ERC1: variants seen among roughly 807,000 people sequenced by gnomAD.
ERC1 encodes ELKS/RAB6-interacting/CAST family member 1.
Under a neutral mutation model 132.0 loss-of-function variants are expected in ERC1, and 56 were observed. The ratio of observed to expected loss-of-function variants is 0.42; its 90% CI spans 0.34 to 0.53. ERC1 has a LOEUF of 0.53. Ranked by LOEUF, ERC1 falls within the 20% of genes least tolerant of loss-of-function variation. The pLI, the probability that ERC1 is intolerant of heterozygous loss-of-function variation, is 0.03. For synonymous variants in ERC1, 478 were observed against 476.1 expected, an observed-to-expected ratio of 1.00 and a Z score of -0.05; for missense variants, 1,202 against 1,349.9, an observed-to-expected ratio of 0.89 and a Z score of 1.72.
chr12:1,354,375 C>A (rs1481615600), intron 15 of ERC1, among the ~76,000 whole-genome samples: 1 of 151,932 alleles, frequency 6.6e-6, no homozygotes, highest in Non-Finnish European at 1.5e-5. Context: ...TTAGAAAAAC[C>A]AGCTGGGCAT....
intron 1 of ERC1, among the ~76,000 whole-genome samples, chr12:1,015,161 G>C (rs1007500831): frequency 6.6e-6 from 1 of 151,386 alleles, no homozygotes; most frequent in Admixed American, 6.6e-5. Context: ...CTCTGCCTCC[G>C]GAGTTCAGGC....
chr12:1,488,757 T>G (rs1378462632), intron 18 of ERC1, among the ~76,000 whole-genome samples: 3 of 152,230 alleles, frequency 2.0e-5, no homozygotes, highest in Non-Finnish European at 4.4e-5. Context: ...TTGGTCTTAT[T>G]TGTCCAATAT....
At chr12:1,326,739 T>G (rs1157387807) in intron 15 of ERC1, among the ~76,000 whole-genome samples, 1 of 152,234 alleles carries the variant, frequency 6.6e-6, no homozygotes, top group Non-Finnish European at 1.5e-5. Context: ...CAGGGTAATG[T>G]TGTCAGTCAT....
chr12:1,411,217 T>C (rs1286161449), intron 17 of ERC1, among the ~76,000 whole-genome samples: 1 of 152,202 alleles, frequency 6.6e-6, no homozygotes, highest in African/African-American at 2.4e-5. Context: ...CCCTTTGATC[T>C]GATGCCCTTG....
At chr12:1,359,698 AT>A (rs2085895656) in intron 15 of ERC1, among the ~76,000 whole-genome samples, 1 of 152,172 alleles carries the variant, frequency 6.6e-6, no homozygotes, top group South Asian at 2.1e-4. Context: ...AGGCAGTTAA[AT>A]TTCAACATGA....
intron 12 of ERC1, among the ~76,000 whole-genome samples, chr12:1,205,701 G>A (rs1957297891): frequency 6.6e-6 from 1 of 152,088 alleles, no homozygotes; most frequent in African/African-American, 2.4e-5. Context: ...TAGTAGAACA[G>A]TATGGGTACC....
chr12:1,236,747 ATTTT>A lies in ERC1; in HGVS notation c.2352-20_2352-17del, dbSNP rs763590852. 9.3e-6 allele frequency: 15 copies of A among 1,608,830 alleles called. No homozygotes were observed. The highest frequency in any genetic ancestry group is 1.7e-6 in the Non-Finnish European group (2 of 1,177,208). Reference sequence around the variant, plus strand: ...TCTATACATACATATGCAAAGCTTGATTTTTCTCCTTCTGTCATTAGGCAAGTGA... The same window carrying A: ...TCTATACATACATATGCAAAGCTTGATCTCCTTCTGTCATTAGGCAAGTGA... On this transcript the variant is annotated intron_variant, in intron 12 of 18. Transcript: ENST00000360905.
chr12:1,473,241 C>A (rs1326095905), intron 18 of ERC1, among the ~76,000 whole-genome samples: 3 of 152,092 alleles, frequency 2.0e-5, no homozygotes, highest in Non-Finnish European at 4.4e-5. Flanking sequence ...GTTGATCAGG[C>A]TGGTCTTGAA....
At chr12:1,440,351 C>T (rs1019952974) in intron 17 of ERC1, among the ~76,000 whole-genome samples, 39 of 149,552 alleles carry the variant, frequency 2.6e-4, no homozygotes, top group Admixed American at 5.3e-4. Flanking sequence ...ACTACAGACG[C>T]CCGCCACCAC....
intron 14 of ERC1, among the ~76,000 whole-genome samples, chr12:1,280,178 A>G (rs2154336055): frequency 6.6e-6 from 1 of 152,252 alleles, no homozygotes; most frequent in Admixed American, 6.5e-5. Context: ...CAAGTTATTG[A>G]TCATAGAAGC....
At chr12:1,199,409 G>A (rs190880331) in intron 12 of ERC1, among the ~76,000 whole-genome samples, 2 of 152,148 alleles carry the variant, frequency 1.3e-5, no homozygotes, top group Non-Finnish European at 2.9e-5. Context: ...AGACAACCTA[G>A]TGTGTATTTA....
rs1566399460 is a variant in ERC1, at chr12:1,255,621, C to CTTTTGTTTTT, written c.2488-7409_2488-7408insGTTTTTTTTT. On this transcript the variant is annotated intron_variant, in intron 13 of 18. Coordinates refer to ENST00000360905, the MANE Select transcript of ERC1 (RefSeq NM_178040.4). The stretch of plus-strand genomic sequence containing the variant: ...TCTTCAGCATCTGTTGCTTCCTGGC[C>CTTTTGTTTTT]TTTTTTTTTTTTTTTTTTTTTTTTT... Among the ~76,000 whole-genome samples the CTTTTGTTTTT allele has an allele frequency of 2.9e-4, 18 of 61,558 alleles. 1 individual carries two copies. Among genetic ancestry groups the CTTTTGTTTTT allele is most frequent in the African/African-American group, 1.0e-3 (17 of 16,674 alleles). The allele number at this position is 61,558 out of a possible 152,430, so 40.4% of individuals were successfully genotyped here. A position where few individuals can be genotyped will look rare whatever the true frequency, so the allele number is the denominator to read the frequency against.
chr12:1,318,472 CTG>C (rs2081915255), intron 15 of ERC1, among the ~76,000 whole-genome samples: 1 of 152,210 alleles, frequency 6.6e-6, no homozygotes, highest in Non-Finnish European at 1.5e-5. Context: ...CAAGCTCAAA[CTG>C]TTCGGAGTAC....
intron 8 of ERC1, among the ~76,000 whole-genome samples, chr12:1,167,857 C>T (rs991149675): frequency 6.6e-5 from 10 of 151,928 alleles, no homozygotes; most frequent in African/African-American, 2.4e-4. Context: ...CTCGGGACTA[C>T]AGGCGCGCGC....
intron 10 of ERC1, among the ~76,000 whole-genome samples, chr12:1,182,766 A>C (rs1954623152): frequency 6.6e-6 from 1 of 151,324 alleles, no homozygotes; most frequent in Non-Finnish European, 1.5e-5. Flanking sequence ...GGCCCAAGGG[A>C]TCTTCCTATT....
chr12:1,458,360 G>A (rs2093581278), intron 18 of ERC1, among the ~76,000 whole-genome samples: 1 of 152,182 alleles, frequency 6.6e-6, no homozygotes, highest in South Asian at 2.1e-4. Flanking sequence ...TAGGAGATAA[G>A]AGTACCAGAT....
At chr12:1,434,443 A>G (rs1206181281) in intron 17 of ERC1, among the ~76,000 whole-genome samples, 1 of 152,194 alleles carries the variant, frequency 6.6e-6, no homozygotes, top group African/African-American at 2.4e-5. Flanking sequence ...CCTGTGCTTC[A>G]GTCTAGATGT....
intron 2 of ERC1, among the ~76,000 whole-genome samples, chr12:1,047,217 A>G (rs1971209204): frequency 6.6e-6 from 1 of 152,304 alleles, no homozygotes; most frequent in Non-Finnish European, 1.5e-5. Context: ...AACTTGGTGG[A>G]GGGTAACTGT....
At chr12:1,396,323 AAT>A (rs763319854) in intron 16 of ERC1, among the ~76,000 whole-genome samples, 5 of 152,234 alleles carry the variant, frequency 3.3e-5, no homozygotes, top group Non-Finnish European at 7.3e-5. Flanking sequence ...ATTGCCAAAA[AAT>A]ATATGTCGTC....
Sources: allele counts gnomAD v4.1 joint callset (sites outside exome capture counted in the v4.1 genomes callset), GRCh38; gene constraint gnomAD v4.1.1; transcripts MANE v1.5; gene names NCBI Gene and HGNC (gene_info 2026-07-23, HGNC 2026-07-21).